Variants in RIMKLB observed in about 807,000 individuals in gnomAD.
The protein encoded by RIMKLB is beta-citrylglutamate synthase B.
In RIMKLB, 7 loss-of-function variants were observed where a neutral mutation model predicts 32.0. The observed-to-expected ratio is 0.22, with a 90% CI of 0.12 to 0.41. The LOEUF is 0.41. Ranked by LOEUF, RIMKLB falls within the 10% of genes least tolerant of loss-of-function variation. The probability of loss-of-function intolerance (pLI) is 1.00; values close to 1 mark genes in which losing one functional copy is unlikely to be tolerated. For missense variants in RIMKLB, 289 were observed against 498.7 expected (o/e 0.58, Z 4.00); for synonymous variants, 172 against 185.1 (o/e 0.93, Z 0.57).
chr12:8,723,660 GTTTA>G (rs934593321), intron 2 of RIMKLB, among the ~76,000 whole-genome samples: 29 of 152,026 alleles, frequency 1.9e-4, no homozygotes, highest in African/African-American at 6.8e-4. Context: ...GAATCTAGAT[GTTTA>G]TTTCTCTCTA....
intron 2 of RIMKLB, among the ~76,000 whole-genome samples, chr12:8,733,809 A>G (rs1417176646): frequency 6.6e-6 from 1 of 152,204 alleles, no homozygotes; most frequent in Non-Finnish European, 1.5e-5. Context: ...GATTGAGCAC[A>G]GGAATTGGAG....
intron 5 of RIMKLB, among the ~76,000 whole-genome samples, chr12:8,763,627 G>A (rs1385048439): frequency 6.6e-6 from 1 of 152,258 alleles, no homozygotes; most frequent in Non-Finnish European, 1.5e-5. Flanking sequence ...CCTGCTGTGA[G>A]CAGAGCTGAG....
intron 1 of RIMKLB, among the ~76,000 whole-genome samples, chr12:8,704,110 G>A (rs192566694): frequency 1.8e-4 from 27 of 152,272 alleles, no homozygotes; most frequent in East Asian, 5.8e-4. Flanking sequence ...TGGGTCGGAC[G>A]TGGTGGCTCA....
intron 5 of RIMKLB, among the ~76,000 whole-genome samples, chr12:8,762,114 T>G (rs1380946556): frequency 6.6e-6 from 1 of 152,036 alleles, no homozygotes; most frequent in Non-Finnish European, 1.5e-5. Context: ...AAAACTACAA[T>G]GGGGCGTCAA....
chr12:8,682,264 TGTC>T (rs1201439822), intron 1 of RIMKLB, among the ~76,000 whole-genome samples: 4 of 152,204 alleles, frequency 2.6e-5, no homozygotes, highest in Admixed American at 2.0e-4. Context: ...TCCAGAGTCT[TGTC>T]GTCGAACTGC....
chr12:8,733,143 G>T (rs1046830800), intron 2 of RIMKLB, among the ~76,000 whole-genome samples: 7 of 152,068 alleles, frequency 4.6e-5, no homozygotes, highest in African/African-American at 1.7e-4. Flanking sequence ...TGGGCAGGAG[G>T]TTGCTCTTGG....
At chr12:8,698,625 G>A (rs751383927) in intron 1 of RIMKLB, among the ~76,000 whole-genome samples, 13 of 152,196 alleles carry the variant, frequency 8.5e-5, no homozygotes, top group Non-Finnish European at 1.5e-4. Context: ...CCGGCGAGGG[G>A]GTGTGGTAAC....
chr12:8,738,695 G>T (rs1439329351), intron 2 of RIMKLB, among the ~76,000 whole-genome samples: 1 of 152,182 alleles, frequency 6.6e-6, no homozygotes, highest in Non-Finnish European at 1.5e-5. Flanking sequence ...TTTTCTTATT[G>T]AGAATTACAG....
At chr12:8,717,467 C>T (rs1944976639) in intron 2 of RIMKLB, among the ~76,000 whole-genome samples, 1 of 151,596 alleles carries the variant, frequency 6.6e-6, no homozygotes, top group Admixed American at 6.6e-5. Context: ...CCCTTTGTGT[C>T]AGTGTATGTA....
intron 5 of RIMKLB, among the ~76,000 whole-genome samples, chr12:8,771,140 A>G (rs140924121): frequency 2.0e-5 from 3 of 152,280 alleles, no homozygotes; most frequent in African/African-American, 7.2e-5. Context: ...GGATAGACAT[A>G]ATTGATAACC....
chr12:8,770,294 A>G (rs1056737522), intron 5 of RIMKLB, among the ~76,000 whole-genome samples: 1 of 152,206 alleles, frequency 6.6e-6, no homozygotes, highest in Non-Finnish European at 1.5e-5. Flanking sequence ...ATACTAGTGA[A>G]CAAAACAGAC....
At chr12:8,669,313 A>G in the RIMKLB span, among the ~76,000 whole-genome samples, 2 of 152,158 alleles carry the variant, frequency 1.3e-5, no homozygotes, top group Non-Finnish European at 2.9e-5. Context: ...ACACCAAGCC[A>G]TTTATGAGGG....
chr12:8,669,119 G>A, the RIMKLB span: 1 of 161,036 alleles, frequency 6.2e-6, no homozygotes, highest in African/African-American at 2.4e-5. Flanking sequence ...TGTGCAAGAA[G>A]CATGGTGCCA....
intron 1 of RIMKLB, among the ~76,000 whole-genome samples, chr12:8,706,091 G>A (rs1037459893): frequency 6.6e-6 from 1 of 152,076 alleles, no homozygotes; most frequent in Non-Finnish European, 1.5e-5. Context: ...TGATCACAAT[G>A]GGGAATATAG....
rs148832894 is a variant in RIMKLB, at chr12:8,721,568, G to A, written c.175+7527G>A. On this transcript the variant is annotated intron_variant, in intron 2 of 5. Transcript: ENST00000535829. ...CATGAGACTGCAGCAGTTTAATCCCGTCTCAGGCTACACTCTCAATTATAG... is the reference window on the plus strand; with the variant it reads ...CATGAGACTGCAGCAGTTTAATCCCATCTCAGGCTACACTCTCAATTATAG... 2.6e-3 allele frequency among the ~76,000 whole-genome samples: 398 copies of A among 152,166 alleles called. 1 individual carries two copies. Among genetic ancestry groups the A allele is most frequent in the East Asian group, 5.0e-3 (26 of 5,174 alleles).
chr12:8,754,100 A>G lies in RIMKLB; in HGVS notation c.697+7A>G. 6.3e-7 allele frequency: 1 copy of G among 1,594,370 alleles called. No homozygotes were observed. The highest frequency in any genetic ancestry group is 1.7e-4 in the Middle Eastern group (1 of 6,036). ...CAAAGCAACTGCTCATTAGGTAAAA[A>G]TAATGCAATTATCTTTCTAGTATAT... On this transcript the variant is annotated splice_region_variant and intron_variant, in intron 5 of 5. Transcript: ENST00000535829.
upstream of RIMKLB, chr12:8,697,794 G>T (rs780052004): frequency 6.3e-3 from 959 of 151,742 alleles, 14 homozygotes; most frequent in African/African-American, 0.021. Context: ...AGATCCGCTC[G>T]GCAGTGCTCG....
At chr12:8,754,222 A>G in intron 5 of RIMKLB, 129 bp downstream of exon 5, 1 of 674,470 alleles carries the variant, frequency 1.5e-6, no homozygotes, top group South Asian at 1.9e-5. Flanking sequence ...ACATGTAAAT[A>G]TGATTTTTAC....
chr12:8,776,153 T>G lies in RIMKLB; in HGVS notation c.*2369T>G. 1.0e-6 allele frequency: 1 copy of G among 985,028 alleles called. No individual in the cohort carries two copies. Among genetic ancestry groups the G allele is most frequent in the Non-Finnish European group, 1.2e-6 (1 of 829,590 alleles). 61.0% of individuals were successfully genotyped at this position (985,028 alleles called of 1,614,324 possible). ...TGGTGGGGTAAGGCATCAGGAAAAA[T>G]GTAGTTAGTCTTTTCTTAACTTATA... On this transcript the variant is annotated 3_prime_UTR_variant, in exon 6 of 6. Transcript: ENST00000535829.
Sources: allele counts gnomAD v4.1 joint callset (sites outside exome capture counted in the v4.1 genomes callset), GRCh38; gene constraint gnomAD v4.1.1; transcripts MANE v1.5; gene names NCBI Gene and HGNC (gene_info 2026-07-23, HGNC 2026-07-21).